The following BBX variants were observed in gnomAD, a reference collection of about 807,000 sequenced individuals.
BBX encodes the protein HMG box transcription factor BBX.
A neutral mutation model predicts 100.2 loss-of-function variants in BBX; 30 were observed. The observed-to-expected ratio is 0.30, with a 90% CI of 0.22 to 0.41. BBX has a LOEUF of 0.41. Among genes scored for constraint, BBX ranks in the 10% least tolerant of loss-of-function variants. The pLI is 1.00. For synonymous variants in BBX, 376 were observed against 388.1 expected (o/e 0.97, Z 0.37); for missense variants, 1,023 against 1,129.8 (o/e 0.91, Z 1.35).
At chr3:107,567,370 G>A (rs1259960049) in intron 2 of BBX, among the ~76,000 whole-genome samples, 1 of 151,772 alleles carries the variant, frequency 6.6e-6, no homozygotes, top group Non-Finnish European at 1.5e-5. Context: ...GATTGTGATT[G>A]TCAAGTTGTG....
At chr3:107,654,810 T>C (rs550048309) in intron 3 of BBX, among the ~76,000 whole-genome samples, 1 of 152,184 alleles carries the variant, frequency 6.6e-6, no homozygotes, top group Non-Finnish European at 1.5e-5. Context: ...TGTGGTAAAG[T>C]TACTTAGCTT....
chr3:107,634,717 G>T (rs1488705111), intron 2 of BBX, among the ~76,000 whole-genome samples: 1 of 152,100 alleles, frequency 6.6e-6, no homozygotes, highest in Non-Finnish European at 1.5e-5. Flanking sequence ...TTTTACTCTT[G>T]TTATCAAAGC....
intron 13 of BBX, among the ~76,000 whole-genome samples, chr3:107,786,062 A>G (rs1380577249): frequency 6.6e-6 from 1 of 152,134 alleles, no homozygotes; most frequent in East Asian, 1.9e-4. Context: ...TGAGATTAGG[A>G]ACACAATTCC....
chr3:107,723,860 G>T (rs749872515), intron 5 of BBX, among the ~76,000 whole-genome samples: 4 of 151,996 alleles, frequency 2.6e-5, no homozygotes, highest in African/African-American at 7.3e-5. Context: ...GAGTATTGCC[G>T]CAATAAACAT....
intron 2 of BBX, among the ~76,000 whole-genome samples, chr3:107,537,446 G>A (rs1252016987): frequency 1.3e-5 from 2 of 152,180 alleles, no homozygotes; most frequent in African/African-American, 4.8e-5. Flanking sequence ...TATACTAACT[G>A]GGAGTATATT....
chr3:107,584,141 T>A (rs1345178201), intron 2 of BBX, among the ~76,000 whole-genome samples: 8 of 23,660 alleles, frequency 3.4e-4, no homozygotes, highest in South Asian at 1.8e-3. Flanking sequence ...ATTATATATA[T>A]TATATATAAT....
intron 2 of BBX, among the ~76,000 whole-genome samples, chr3:107,636,874 G>C (rs1299249060): frequency 2.6e-5 from 4 of 152,222 alleles, no homozygotes; most frequent in Non-Finnish European, 5.9e-5. Flanking sequence ...TAAAGAGGTT[G>C]TTACTGTAGA....
chr3:107,795,970 C>T (rs933510884), intron 15 of BBX, among the ~76,000 whole-genome samples: 1 of 152,156 alleles, frequency 6.6e-6, no homozygotes, highest in African/African-American at 2.4e-5. Context: ...GTACTGTTTC[C>T]CAGCCTATGA....
chr3:107,646,828 G>A (rs1268859442), intron 3 of BBX, among the ~76,000 whole-genome samples: 3 of 152,036 alleles, frequency 2.0e-5, no homozygotes, highest in African/African-American at 7.2e-5. Context: ...TATTACATCT[G>A]TCTAGATTAT....
intron 7 of BBX, 102 bp from the exon 8 acceptor site, chr3:107,744,528 C>A: frequency 1.2e-6 from 1 of 827,990 alleles, no homozygotes; most frequent in Non-Finnish European, 2.0e-6. Context: ...GTTTCTGTAA[C>A]TGTTGTTGAT....
chr3:107,613,495 T>C (rs912828236), intron 2 of BBX, among the ~76,000 whole-genome samples: 3 of 151,910 alleles, frequency 2.0e-5, no homozygotes, highest in African/African-American at 4.8e-5. Context: ...TGATGAACCA[T>C]GTATGTATGT....
chr3:107,660,996 C>T (rs562801336), intron 3 of BBX, among the ~76,000 whole-genome samples: 2 of 152,244 alleles, frequency 1.3e-5, no homozygotes, highest in South Asian at 2.1e-4. Context: ...TTCCAGTCAG[C>T]TGAAATGTGT....
At chr3:107,542,566 A>G (rs540981657) in intron 2 of BBX, among the ~76,000 whole-genome samples, 1 of 152,354 alleles carries the variant, frequency 6.6e-6, no homozygotes, top group South Asian at 2.1e-4. Context: ...AGTTCAGCAG[A>G]GTTCCTCTTC....
intron 2 of BBX, among the ~76,000 whole-genome samples, chr3:107,553,818 T>A (rs1351762771): frequency 6.6e-6 from 1 of 152,240 alleles, no homozygotes; most frequent in South Asian, 2.1e-4. Flanking sequence ...CATATTTTAT[T>A]AATTCTTTAA....
At position 107,773,741 on chromosome 3, in the gene BBX, A is replaced by G. The variant is rs1576742112; in HGVS notation, c.1915+105A>G. ...ATAAAAAACAATATGGTATCAAAAT[A>G]ATACCTTACATTTGTATATTTCTTT... On this transcript the variant is annotated intron_variant, in intron 11 of 17. Transcript: ENST00000325805. This position sits in a 1 kb window ranked among gnomAD's most constrained non-coding sequence, Gnocchi z 4.1. 1.0e-6 allele frequency: 1 copy of G among 968,066 alleles called. No homozygotes were observed. Among genetic ancestry groups the G allele is most frequent in the East Asian group, 2.6e-5 (1 of 37,876 alleles). 60.0% of individuals were successfully genotyped at this position (968,066 alleles called of 1,614,324 possible). A position where few individuals can be genotyped will look rare whatever the true frequency, so the allele number is the denominator to read the frequency against.
chr3:107,642,275 A>G (rs1024520968), intron 2 of BBX, among the ~76,000 whole-genome samples: 4 of 152,250 alleles, frequency 2.6e-5, no homozygotes, highest in Admixed American at 2.6e-4. Context: ...ACTCCATTAT[A>G]TTACATGGAG....
At chr3:107,558,206 T>A (rs1321009433) in intron 2 of BBX, among the ~76,000 whole-genome samples, 2 of 152,188 alleles carry the variant, frequency 1.3e-5, no homozygotes, top group African/African-American at 4.8e-5. Flanking sequence ...GGGGCTATCT[T>A]GGCCGGGCGC....
intron 2 of BBX, among the ~76,000 whole-genome samples, chr3:107,601,927 G>C (rs893295334): frequency 3.3e-5 from 5 of 152,192 alleles, no homozygotes. Flanking sequence ...CTCTTTTTAG[G>C]TGCTAATGCA....
chr3:107,571,386 A>T (rs904018297), intron 2 of BBX, among the ~76,000 whole-genome samples: 1 of 152,130 alleles, frequency 6.6e-6, no homozygotes, highest in African/African-American at 2.4e-5. Flanking sequence ...CCAAGGGAAG[A>T]CTGTCTTCCT....
Sources: gnomAD v4.1 joint callset for allele counts (sites outside exome capture counted in the v4.1 genomes callset) on GRCh38, gnomAD v4.1.1 for gene constraint, Gnocchi (gnomAD v3.1) non-coding constraint, MANE v1.5 for transcripts, NCBI Gene and HGNC (gene_info 2026-07-23, HGNC 2026-07-21) for gene names.